Variants in ASCC3 observed in about 807,000 individuals in gnomAD.
The protein encoded by ASCC3 is ASC-1 complex subunit P200.
ASCC3 carries 158 observed loss-of-function variants against 256.3 expected under a neutral mutation model. That is an observed-to-expected ratio of 0.62 (90% CI 0.54 to 0.70). The LOEUF (loss-of-function observed/expected upper bound fraction) is 0.70. Ranked by LOEUF, ASCC3 falls within the 30% of genes least tolerant of loss-of-function variation. The pLI is 0.00. For missense variants in ASCC3, 2,259 were observed against 2,626.0 expected (o/e 0.86, Z 3.05); for synonymous variants, 948 against 883.4 (o/e 1.07, Z -1.30).
intron 36 of ASCC3, among the ~76,000 whole-genome samples, chr6:100,568,616 G>A (rs914798760): frequency 6.6e-6 from 1 of 151,718 alleles, no homozygotes; most frequent in East Asian, 1.9e-4. Context: ...TTGGACACAT[G>A]GTTTGTGAAT....
Position 100,512,478 on chromosome 6 carries a change from G to A in ASCC3, c.6285+231C>T, listed in dbSNP as rs143387935. Among the ~76,000 whole-genome samples the A allele has an allele frequency of 3.3e-5, 5 of 152,260 alleles. No individual in the cohort carries two copies. The East Asian group carries it at 9.6e-4, about 29-fold the overall frequency. On this transcript the variant is annotated intron_variant, in intron 40 of 41. Transcript: ENST00000369162. Reference sequence around the variant, plus strand: ...CCAGAGTCTGTATACCATACTTTGAGAATAGTACTCTAGGCAATATATTCT... The same window carrying A: ...CCAGAGTCTGTATACCATACTTTGAAAATAGTACTCTAGGCAATATATTCT...
At chr6:100,738,385 A>C (rs1466699470) in intron 10 of ASCC3, among the ~76,000 whole-genome samples, 5 of 152,042 alleles carry the variant, frequency 3.3e-5, no homozygotes, top group African/African-American at 1.2e-4. Context: ...ATCTTGAGTT[A>C]ATTTTTGCAC....
chr6:100,847,936 C>T, intron 4 of ASCC3: 1 of 433,770 alleles, frequency 2.3e-6, no homozygotes, highest in Admixed American at 3.9e-5. Context: ...TGTCTGCTTA[C>T]TCCTCTGCTA....
At chr6:100,662,142 C>G in intron 15 of ASCC3, 112 bp from the exon 16 acceptor site, 1 of 1,177,142 alleles carries the variant, frequency 8.5e-7, no homozygotes, top group Non-Finnish European at 1.2e-6. Context: ...TGTACTTTAA[C>G]TAATCCTTTC....
intron 8 of ASCC3, among the ~76,000 whole-genome samples, chr6:100,798,428 A>G (rs1769740504): frequency 6.6e-6 from 1 of 152,066 alleles, no homozygotes; most frequent in African/African-American, 2.4e-5. Context: ...ATCCTTTAAC[A>G]TTTTATTTAA....
At chr6:100,865,740 T>C (rs1384515109) in intron 2 of ASCC3, among the ~76,000 whole-genome samples, 2 of 152,148 alleles carry the variant, frequency 1.3e-5, no homozygotes, top group African/African-American at 2.4e-5. Flanking sequence ...GCAATTAAAG[T>C]GAATGATGTT....
At chr6:100,671,860 A>T (rs565785266) in intron 14 of ASCC3, among the ~76,000 whole-genome samples, 6 of 152,206 alleles carry the variant, frequency 3.9e-5, no homozygotes, top group East Asian at 3.9e-4. Context: ...CATGATTTTT[A>T]AAAAACTGGT....
intron 37 of ASCC3, among the ~76,000 whole-genome samples, chr6:100,525,156 C>CAAAAAAAAAAAAAAAAAAAAAAAAA (rs57882047): frequency 2.2e-4 from 10 of 44,954 alleles, no homozygotes; most frequent in East Asian, 1.3e-3. Flanking sequence ...GACCCTGTCT[C>CAAAAAAAAAAAAAAAAAAAAAAAAA]AAAAAAAAAA....
At chr6:100,755,260 T>C (rs187406426) in intron 10 of ASCC3, among the ~76,000 whole-genome samples, 2 of 152,302 alleles carry the variant, frequency 1.3e-5, no homozygotes, top group East Asian at 1.9e-4. Flanking sequence ...GGATCTGTGT[T>C]CAAGTAAGTT....
intron 34 of ASCC3, among the ~76,000 whole-genome samples, chr6:100,600,014 G>A (rs146822234): frequency 6.6e-6 from 1 of 152,018 alleles, no homozygotes; most frequent in Non-Finnish European, 1.5e-5. Context: ...GATGAAGAAC[G>A]TCTAGCTCAG....
rs550443246 is a variant in ASCC3 at position 100,521,825 on chromosome 6, C to G, written c.5776-3683G>C. The stretch of plus-strand genomic sequence containing the variant: ...TGGATTGGAGAGTCCTGGTAGCTTG[C>G]ACTGATACACTTCATATGACTGAGC... On this transcript the variant is annotated intron_variant, in intron 37 of 41. Coordinates refer to ENST00000369162, the MANE Select transcript of ASCC3 (RefSeq NM_006828.4). 1.5e-4 allele frequency among the ~76,000 whole-genome samples: 23 copies of G among 152,332 alleles called. 1 individual carries two copies. The East Asian group carries it at 4.3e-3, about 28-fold the overall frequency.
intron 36 of ASCC3, among the ~76,000 whole-genome samples, chr6:100,558,243 T>C (rs754082511): frequency 3.3e-5 from 5 of 152,094 alleles, no homozygotes; most frequent in Non-Finnish European, 5.9e-5. Context: ...CTGATATATA[T>C]ATTTCTGGTA....
intron 13 of ASCC3, among the ~76,000 whole-genome samples, chr6:100,680,671 C>T (rs1777254263): frequency 6.6e-6 from 1 of 152,160 alleles, no homozygotes; most frequent in African/African-American, 2.4e-5. Context: ...CAGTAAATGA[C>T]TTAAAGACAA....
Position 100,712,204 on chromosome 6 carries a change from A to T in ASCC3, c.2151+3258T>A, listed in dbSNP as rs748253115. Reference sequence around the variant, plus strand: ...ACAGAAAATCAAGGTGACCTTGGATATGGCAGTAACTCTTTATATACAACA... The same window carrying T: ...ACAGAAAATCAAGGTGACCTTGGATTTGGCAGTAACTCTTTATATACAACA... On this transcript the variant is annotated intron_variant, in intron 13 of 41. Coordinates refer to ENST00000369162, the MANE Select transcript of ASCC3 (RefSeq NM_006828.4). Among the ~76,000 whole-genome samples the T allele has an allele frequency of 6.5e-4, 99 of 152,350 alleles. 1 individual carries two copies. Among genetic ancestry groups the T allele is most frequent in the Middle Eastern group, 3.4e-3 (1 of 294 alleles).
At chr6:100,809,863 A>G (rs1016358345) in intron 4 of ASCC3, among the ~76,000 whole-genome samples, 2 of 152,094 alleles carry the variant, frequency 1.3e-5, no homozygotes, top group Non-Finnish European at 2.9e-5. Flanking sequence ...TAAAAGCCCA[A>G]GTGATCCTTG....
At chr6:100,675,144 T>TTTTTTC (rs199953032) in intron 14 of ASCC3, among the ~76,000 whole-genome samples, 1 of 151,536 alleles carries the variant, frequency 6.6e-6, no homozygotes, top group Non-Finnish European at 1.5e-5. Flanking sequence ...TTTTTTTTTT[T>TTTTTTC]ACAATTTTGT....
At chr6:100,580,115 T>C (rs1771131429) in intron 36 of ASCC3, among the ~76,000 whole-genome samples, 1 of 152,122 alleles carries the variant, frequency 6.6e-6, no homozygotes, top group Non-Finnish European at 1.5e-5. Context: ...ATTCTTGACT[T>C]GGCTCTCAGC....
At chr6:100,527,004 C>T (rs1476444540) in intron 37 of ASCC3, among the ~76,000 whole-genome samples, 1 of 152,114 alleles carries the variant, frequency 6.6e-6, no homozygotes, top group Non-Finnish European at 1.5e-5. Context: ...ATCTCTTTTT[C>T]CAGTCTTGCC....
chr6:100,555,728 A>C (rs775927533), intron 36 of ASCC3, among the ~76,000 whole-genome samples: 20 of 152,362 alleles, frequency 1.3e-4, no homozygotes, highest in Non-Finnish European at 2.2e-4. Context: ...TTAAGAAATA[A>C]AAATCTCAAG....
Sources: allele counts gnomAD v4.1 joint callset (sites outside exome capture counted in the v4.1 genomes callset), GRCh38; gene constraint gnomAD v4.1.1; transcripts MANE v1.5; gene names NCBI Gene and HGNC (gene_info 2026-07-23, HGNC 2026-07-21).